The following AKAP12 variants were observed in gnomAD, a reference collection of about 807,000 sequenced individuals.
AKAP12 encodes the protein A-kinase anchor protein 12.
Under a neutral mutation model 79.9 loss-of-function variants are expected in AKAP12, and 32 were observed. The ratio of observed to expected loss-of-function variants is 0.40; its 90% CI spans 0.30 to 0.54. The LOEUF (loss-of-function observed/expected upper bound fraction) is 0.54. Among genes scored for constraint, AKAP12 ranks in the 20% least tolerant of loss-of-function variants. The pLI, the probability that AKAP12 is intolerant of heterozygous loss-of-function variation, is 0.48. For missense variants in AKAP12, 2,074 were observed against 2,177.0 expected, an observed-to-expected ratio of 0.95 and a Z score of 0.94; for synonymous variants, 808 against 857.0, an observed-to-expected ratio of 0.94 and a Z score of 1.00.
intron 2 of AKAP12, among the ~76,000 whole-genome samples, chr6:151,296,701 C>T (rs192853763): frequency 2.0e-5 from 3 of 152,194 alleles, no homozygotes; most frequent in East Asian, 1.9e-4. Context: ...CTCTGGACCC[C>T]GGGAGGTGGA....
In AKAP12 at chr6:151,353,504, G is replaced by T. The variant is rs773427321; in HGVS notation, c.5113G>T (p.Asp1705Tyr). 6.2e-7 allele frequency: 1 copy of T among 1,614,166 alleles called. No homozygotes were observed. Among genetic ancestry groups the T allele is most frequent in the Non-Finnish European group, 8.5e-7 (1 of 1,180,024 alleles). Reference protein sequence around the residue: ...PKEDEKGDDVDDPENQNSALA... With the variant: ...PKEDEKGDDVYDPENQNSALA... ...AGAAGATGAAAAAGGTGATGATGTT[G>T]ATGACCCTGAAAACCAGAACTCAGC... Residue 1705 changes from aspartate (D) to tyrosine (Y), a missense_variant, in exon 4 of 5, where the codon GAT (aspartate) becomes TAT (tyrosine). Around this residue, in one of 3 missense-constraint regions of AKAP12, gnomAD observed 614 missense variants for 665.6 expected, o/e 0.92. Transcript: ENST00000402676.
chr6:151,259,088 A>G (rs919712062), intron 2 of AKAP12, among the ~76,000 whole-genome samples: 1 of 151,790 alleles, frequency 6.6e-6, no homozygotes, highest in Non-Finnish European at 1.5e-5. Flanking sequence ...TCTGTCACCC[A>G]GGCTGGAGTG....
At chr6:151,241,416 C>A (rs1305008131) in intron 2 of AKAP12, among the ~76,000 whole-genome samples, 1 of 152,252 alleles carries the variant, frequency 6.6e-6, no homozygotes, top group Non-Finnish European at 1.5e-5. Context: ...TCGCTCAGCG[C>A]TTTGCCTGCA....
chr6:151,260,672 G>A (rs1284293185), intron 2 of AKAP12, among the ~76,000 whole-genome samples: 1 of 152,158 alleles, frequency 6.6e-6, no homozygotes, highest in Non-Finnish European at 1.5e-5. Context: ...CAGATCGTAC[G>A]TCTGAAACGA....
Position 151,349,713 on chromosome 6 carries a change from C to T in AKAP12, c.1322C>T (p.Ser441Phe). The change falls in exon 4 of 5, where the codon TCT (serine) becomes TTT (phenylalanine). Residue 441 changes from serine (S) to phenylalanine (F), a missense_variant. By Grantham distance (155) the Ser-to-Phe change is radical (BLOSUM62 -2). Transcript: ENST00000402676. ...QKTEVEETAG[S>F]VPAEELVEMD... The stretch of plus-strand genomic sequence containing the variant: ...ACGGAGGTGGAAGAAACAGCAGGGT[C>T]TGTGCCAGCTGAAGAATTGGTTGAA... The T allele has an allele frequency of 6.2e-7, 1 of 1,614,072 alleles. No homozygotes were observed. The highest frequency in any genetic ancestry group is 8.5e-7 in the Non-Finnish European group (1 of 1,180,024).
At chr6:151,302,673 C>T (rs904093671) in intron 2 of AKAP12, among the ~76,000 whole-genome samples, 6 of 151,964 alleles carry the variant, frequency 3.9e-5, no homozygotes, top group South Asian at 4.1e-4. Flanking sequence ...CACAATTGAC[C>T]GAAGTTTATT....
rs1777473523 is a variant in AKAP12 at position 151,324,431 on chromosome 6, AAG to A, written c.319+18529_319+18530del. 9.1e-6 allele frequency: 9 copies of A among 985,336 alleles called. No individual in the cohort carries two copies. The South Asian group carries it at 3.8e-4, about 41-fold the overall frequency. The allele number at this position is 985,336 out of a possible 1,614,324, so 61.0% of individuals were successfully genotyped here. On this transcript the variant is annotated intron_variant, in intron 3 of 4. Coordinates refer to ENST00000402676, the MANE Select transcript of AKAP12 (RefSeq NM_005100.4). Reference sequence around the variant, plus strand: ...TGCATCGCGCCCCCTGGTGCCCAAAAAGTGCAACTACGTGCCATGCCAGCCAG... The same window carrying A: ...TGCATCGCGCCCCCTGGTGCCCAAAATGCAACTACGTGCCATGCCAGCCAG...
At chr6:151,329,296 A>G (rs1299862310) in intron 3 of AKAP12, among the ~76,000 whole-genome samples, 2 of 152,052 alleles carry the variant, frequency 1.3e-5, no homozygotes, top group Non-Finnish European at 2.9e-5. Flanking sequence ...TTGTATTTTT[A>G]GTAGAGACGA....
intron 2 of AKAP12, among the ~76,000 whole-genome samples, chr6:151,295,454 T>C (rs1776704675): frequency 6.6e-6 from 1 of 152,182 alleles, no homozygotes; most frequent in South Asian, 2.1e-4. Context: ...TTGTAGACAG[T>C]GGCGAGAAAC....
chr6:151,326,852 C>G (rs753312242), intron 3 of AKAP12, among the ~76,000 whole-genome samples: 1 of 151,848 alleles, frequency 6.6e-6, no homozygotes, highest in East Asian at 1.9e-4. Flanking sequence ...GAGTCTTGCT[C>G]TTTCGCCAGA....
At chr6:151,285,316 C>CT (rs1456268236) in intron 2 of AKAP12, among the ~76,000 whole-genome samples, 3 of 151,686 alleles carry the variant, frequency 2.0e-5, no homozygotes, top group African/African-American at 7.3e-5. Flanking sequence ...CAGTGATTCA[C>CT]ATTACTGAGT....
rs1235780366 is a variant in AKAP12 at position 151,318,967 on chromosome 6, T to A, written c.319+13064T>A. On this transcript the variant is annotated intron_variant, in intron 3 of 4. Coordinates refer to ENST00000402676, the MANE Select transcript of AKAP12 (RefSeq NM_005100.4). ...AAAAGAAAAGAAAAATTCATGTACCTCATTTCTGGGAAATTTTTTTACATA... is the reference window on the plus strand; with the variant it reads ...AAAAGAAAAGAAAAATTCATGTACCACATTTCTGGGAAATTTTTTTACATA... 2.0e-5 allele frequency among the ~76,000 whole-genome samples: 3 copies of A among 152,218 alleles called. No homozygotes were observed. In the East Asian group the frequency reaches 5.8e-4, roughly 29 times the overall value.
In AKAP12 at chr6:151,350,772, C is replaced by T. The variant is rs1477366338; in HGVS notation, c.2381C>T (p.Pro794Leu). 6.2e-7 allele frequency: 1 copy of T among 1,614,010 alleles called. No homozygotes were observed. The highest frequency in any genetic ancestry group is 8.5e-7 in the Non-Finnish European group (1 of 1,179,978). ...IAGSGVEHST[P>L]DTEPGKEESW... ...GGGTCTGGTGTAGAACATTCCACTC[C>T]AGACACTGAACCCGGTAAAGAAGAA... is the stretch of plus-strand genomic sequence containing the variant. The change falls in exon 4 of 5, where the codon CCA (proline) becomes CTA (leucine). Residue 794 changes from proline to leucine, a missense_variant. Pro to Leu is a moderately conservative substitution (Grantham distance 98, BLOSUM62 -3). Coordinates refer to ENST00000402676, the MANE Select transcript of AKAP12 (RefSeq NM_005100.4). This position sits in a 1 kb window ranked among gnomAD's most constrained non-coding sequence, Gnocchi z 4.8.
chr6:151,341,347 C>A (rs929843418), intron 3 of AKAP12, among the ~76,000 whole-genome samples: 1 of 152,218 alleles, frequency 6.6e-6, no homozygotes, highest in African/African-American at 2.4e-5. Context: ...AGCCACCGCG[C>A]CAGGCCTCGA....
chr6:151,302,922 G>A (rs1022505341), intron 2 of AKAP12, among the ~76,000 whole-genome samples: 2 of 152,178 alleles, frequency 1.3e-5, no homozygotes, highest in East Asian at 1.9e-4. Flanking sequence ...TTGGCTGGGC[G>A]CAGTGGCTCA....
chr6:151,348,107 C>T (rs1248017760), intron 3 of AKAP12, among the ~76,000 whole-genome samples: 2 of 151,662 alleles, frequency 1.3e-5, no homozygotes, highest in African/African-American at 2.4e-5. Flanking sequence ...GAGCCACGAT[C>T]GTGCCTCTGC....
At chr6:151,303,907 A>C (rs1776916836) in intron 2 of AKAP12, among the ~76,000 whole-genome samples, 1 of 152,082 alleles carries the variant, frequency 6.6e-6, no homozygotes, top group African/African-American at 2.4e-5. Context: ...AAACAGAAAA[A>C]CGCTGGAAAT....
rs779683119 is a variant in AKAP12 at position 151,350,340 on chromosome 6, C to T, written c.1949C>T (p.Ala650Val). 3 of 1,613,834 alleles carry T rather than the reference C, an allele frequency of 1.9e-6. No individual in the cohort carries two copies. The South Asian group carries it at 3.3e-5, about 18-fold the overall frequency. ...SATLSSTEST[A>V]SEMQEEMKGS... ...ACCTTGTCTTCCACCGAGAGCACAGCCTCTGAAATGCAAGAAGAAATGAAA... is the reference window on the plus strand; with the variant it reads ...ACCTTGTCTTCCACCGAGAGCACAGTCTCTGAAATGCAAGAAGAAATGAAA... Residue 650 changes from alanine (A) to valine (V), a missense_variant, in exon 4 of 5, where the codon GCC (alanine) becomes GTC (valine). Physicochemically the swap from Ala to Val is moderately conservative, Grantham distance 64. Around this residue, in one of 3 missense-constraint regions of AKAP12, gnomAD observed 1,428 missense variants for 1,451.0 expected, o/e 0.98. Transcript: ENST00000402676. The surrounding 1 kb of genome is among the most constrained non-coding windows in gnomAD (Gnocchi z 4.8).
Position 151,351,144 on chromosome 6 carries a change from T to C in AKAP12, c.2753T>C (p.Val918Ala). Residue 918 changes from valine (V) to alanine (A), a missense_variant, in exon 4 of 5, where the codon GTG (valine) becomes GCG (alanine). Around this residue, in one of 3 missense-constraint regions of AKAP12, gnomAD observed 1,428 missense variants for 1,451.0 expected, o/e 0.98. Transcript: ENST00000402676. The surrounding 1 kb of genome is among the most constrained non-coding windows in gnomAD (Gnocchi z 4.4). ...TCTCCTTCTTGGATATCTGCTTCAG[T>C]GACAGAACCTCTTGAACAAGTAGAA... ...ERSPSWISAS[V>A]TEPLEQVEAE... is the part of the protein sequence containing the mutation. 1.2e-6 allele frequency: 2 copies of C among 1,614,204 alleles called. No individual in the cohort carries two copies. Among genetic ancestry groups the C allele is most frequent in the Non-Finnish European group, 1.7e-6 (2 of 1,180,050 alleles).
Sources: allele counts gnomAD v4.1 joint callset (sites outside exome capture counted in the v4.1 genomes callset), GRCh38; gene constraint gnomAD v4.1.1; regional missense constraint gnomAD v4.1.1; non-coding constraint Gnocchi (gnomAD v3.1); transcripts MANE v1.5; gene names NCBI Gene and HGNC (gene_info 2026-07-23, HGNC 2026-07-21).